PCNX1: variants seen among roughly 807,000 people sequenced by gnomAD.
PCNX1 encodes the protein pecanex-like protein 1.
In PCNX1, 78 loss-of-function variants were observed where a neutral mutation model predicts 242.2. That is an observed-to-expected ratio of 0.32 (90% CI 0.27 to 0.39). The LOEUF is 0.39. Ranked by LOEUF, PCNX1 falls within the 10% of genes least tolerant of loss-of-function variation. The pLI is 1.00. For missense variants in PCNX1, 2,581 were observed against 2,856.5 expected (o/e 0.90, Z 2.20); for synonymous variants, 1,024 against 1,032.9 (o/e 0.99, Z 0.17).
chr14:70,917,109 A>G (rs564733719), intron 1 of PCNX1, among the ~76,000 whole-genome samples: 2 of 152,322 alleles, frequency 1.3e-5, no homozygotes, highest in South Asian at 2.1e-4. Context: ...TTCAGGCTCT[A>G]CTTCCAATTC....
At chr14:71,040,019 C>T (rs570987160) in intron 19 of PCNX1, among the ~76,000 whole-genome samples, 2 of 152,126 alleles carry the variant, frequency 1.3e-5, no homozygotes, top group East Asian at 3.9e-4. Flanking sequence ...ACTATGTTGC[C>T]CAGGCTGGTC....
At chr14:70,934,796 G>A (rs539409539) in intron 1 of PCNX1, among the ~76,000 whole-genome samples, 4 of 152,160 alleles carry the variant, frequency 2.6e-5, no homozygotes, top group South Asian at 2.1e-4. Flanking sequence ...TTGTTTAATA[G>A]ATAGAGGGTT....
intron 1 of PCNX1, among the ~76,000 whole-genome samples, chr14:70,938,908 T>C (rs1333830669): frequency 1.3e-5 from 2 of 152,356 alleles, no homozygotes; most frequent in Non-Finnish European, 2.9e-5. Context: ...TTCTCTAGCT[T>C]ATTTGCGTAG....
In PCNX1 at chr14:70,957,826, A is replaced by ATGTG. The variant is rs150839391; in HGVS notation, c.363-4394_363-4391dup. On this transcript the variant is annotated intron_variant, in intron 2 of 35. Transcript: ENST00000304743. The stretch of plus-strand genomic sequence containing the variant: ...TGTATGTATATGTGTGTGTGTATGT[A>ATGTG]TGTGTGTGTATATATATAGAGAGAG... 8.4e-3 allele frequency among the ~76,000 whole-genome samples: 1,196 copies of ATGTG among 143,070 alleles called. 8 individuals carry two copies. Among genetic ancestry groups the ATGTG allele is most frequent in the South Asian group, 0.018 (82 of 4,530 alleles). The allele number at this position is 143,070 out of a possible 152,430, so 93.9% of individuals were successfully genotyped here.
chr14:71,006,576 G>C (rs1358092056), intron 8 of PCNX1, among the ~76,000 whole-genome samples: 1 of 151,936 alleles, frequency 6.6e-6, no homozygotes, highest in African/African-American at 2.4e-5. Context: ...TTTTTCTTAA[G>C]GCAGAATAAT....
At position 71,029,146 on chromosome 14, in the gene PCNX1, T is replaced by C. The variant is rs1595299890; in HGVS notation, c.3558+355T>C. Among the ~76,000 whole-genome samples, 4 of 152,128 alleles carry C rather than the reference T, an allele frequency of 2.6e-5. No individual in the cohort carries two copies. The South Asian group carries it at 8.3e-4, about 32-fold the overall frequency. ...TAACTACTTTTCCTATTAGTTTTTT[T>C]AAACTTATAAAAACAAGTTCAAGGA... On this transcript the variant is annotated intron_variant, in intron 16 of 35. Transcript: ENST00000304743.
Position 70,978,079 on chromosome 14 carries a change from T to C in PCNX1, c.1742T>C (p.Val581Ala). ...GATTCAAGCCGGCATAGGGACTATGTTTGCTTTCGAGGTGTTTCTGGTACC... is the reference window on the plus strand; with the variant it reads ...GATTCAAGCCGGCATAGGGACTATGCTTGCTTTCGAGGTGTTTCTGGTACC... ...SFDSSRHRDY[V>A]CFRGVSGTKP... Residue 581 changes from valine to alanine, a missense_variant, in exon 6 of 36, where the codon GTT becomes GCT. This residue lies in a region of PCNX1 where 1,204 missense variants were observed against 1,216.7 expected (regional missense o/e 0.99). Coordinates refer to ENST00000304743, the MANE Select transcript of PCNX1 (RefSeq NM_014982.3). 1 of 1,614,096 alleles carries C rather than the reference T, an allele frequency of 6.2e-7. No individual in the cohort carries two copies. The highest frequency in any genetic ancestry group is 8.5e-7 in the Non-Finnish European group (1 of 1,180,008).
chr14:70,990,143 C>T (rs566972725), intron 7 of PCNX1, among the ~76,000 whole-genome samples: 1 of 152,264 alleles, frequency 6.6e-6, no homozygotes, highest in East Asian at 1.9e-4. Flanking sequence ...CTAGATTTTA[C>T]AGTCAAGAAC....
chr14:71,064,232 T>C (rs1245347727), intron 26 of PCNX1, among the ~76,000 whole-genome samples: 1 of 152,156 alleles, frequency 6.6e-6, no homozygotes, highest in Non-Finnish European at 1.5e-5. Context: ...CTCCTAGTAA[T>C]ACATTTTGCT....
At chr14:71,019,855 CCATCCCACCATG>C (rs1199633365) in intron 12 of PCNX1, among the ~76,000 whole-genome samples, 3 of 151,814 alleles carry the variant, frequency 2.0e-5, no homozygotes, top group East Asian at 1.9e-4. Flanking sequence ...GGCATCCCAC[CCATCCCACCATG>C]CATCCCACCA....
At position 71,110,022 on chromosome 14, in the gene PCNX1, G is replaced by A. The variant is rs1309249070; in HGVS notation, c.*87G>A. The A allele has an allele frequency of 8.4e-7, 1 of 1,192,172 alleles. No homozygotes were observed. Among genetic ancestry groups the A allele is most frequent in the Admixed American group, 1.7e-5 (1 of 59,268 alleles). The allele number at this position is 1,192,172 out of a possible 1,614,324, so 73.8% of individuals were successfully genotyped here. ...GAGGAACAAGCAGAAGATGCCTGCAGGTATCACTTTGATCCTATGTGGGAG... is the reference window on the plus strand; with the variant it reads ...GAGGAACAAGCAGAAGATGCCTGCAAGTATCACTTTGATCCTATGTGGGAG... On this transcript the variant is annotated 3_prime_UTR_variant, in exon 36 of 36. Coordinates refer to ENST00000304743, the MANE Select transcript of PCNX1 (RefSeq NM_014982.3).
At chr14:71,032,419 C>T (rs1347120363) in intron 16 of PCNX1, among the ~76,000 whole-genome samples, 1 of 152,124 alleles carries the variant, frequency 6.6e-6, no homozygotes, top group East Asian at 1.9e-4. Flanking sequence ...TTAGTTTTCT[C>T]ATCTATAAAT....
chr14:70,949,306 T>C (rs998391138), intron 2 of PCNX1, among the ~76,000 whole-genome samples: 3 of 145,022 alleles, frequency 2.1e-5, no homozygotes, highest in Non-Finnish European at 3.0e-5. Flanking sequence ...TACACACATA[T>C]GTGTGTAGAT....
intron 9 of PCNX1, 87 bp downstream of exon 9, chr14:71,009,811 T>C: frequency 1.5e-6 from 1 of 649,490 alleles, no homozygotes; most frequent in Non-Finnish European, 2.4e-6. Context: ...TAAAAGTTAA[T>C]TTTTTTGTTT....
intron 30 of PCNX1, among the ~76,000 whole-genome samples, chr14:71,095,120 C>T (rs2062240062): frequency 1.5e-5 from 2 of 134,890 alleles, no homozygotes; most frequent in South Asian, 4.7e-4. Flanking sequence ...GTTCTCTTGT[C>T]CTCTATTTAA....
chr14:71,037,688 T>G (rs915313003), intron 19 of PCNX1, among the ~76,000 whole-genome samples: 1 of 152,018 alleles, frequency 6.6e-6, no homozygotes, highest in Non-Finnish European at 1.5e-5. Context: ...GGATTCGGTT[T>G]GCCAGTATTT....
chr14:71,105,527 G>T, intron 33 of PCNX1, 87 bp downstream of exon 33: 2 of 989,836 alleles, frequency 2.0e-6, no homozygotes, highest in Admixed American at 2.5e-5. Flanking sequence ...GATTACATGT[G>T]GTCCACTTGG....
At chr14:71,057,369 G>A (rs1369582940) in intron 25 of PCNX1, 140 bp from the exon 26 acceptor site, 4 of 590,612 alleles carry the variant, frequency 6.8e-6, no homozygotes, top group Non-Finnish European at 1.2e-5. Flanking sequence ...CTTTTGTATA[G>A]AAACTGTAAG....
intron 8 of PCNX1, among the ~76,000 whole-genome samples, chr14:71,003,634 A>G (rs1223418051): frequency 6.6e-6 from 1 of 152,234 alleles, no homozygotes; most frequent in African/African-American, 2.4e-5. Context: ...GAACTTGTAC[A>G]TTCACTTTTG....
Sources: allele counts gnomAD v4.1 joint callset (sites outside exome capture counted in the v4.1 genomes callset), GRCh38; gene constraint gnomAD v4.1.1; regional missense constraint gnomAD v4.1.1; transcripts MANE v1.5; gene names NCBI Gene and HGNC (gene_info 2026-07-23, HGNC 2026-07-21).